Variants in GABBR2 observed in about 807,000 individuals in gnomAD.
GABBR2 encodes the protein G-protein coupled receptor 51.
Under a neutral mutation model 105.6 loss-of-function variants are expected in GABBR2, and 23 were observed. That is an observed-to-expected ratio of 0.22 (90% CI 0.16 to 0.31). GABBR2 has a LOEUF of 0.31. Ranked by LOEUF, GABBR2 falls within the 10% of genes least tolerant of loss-of-function variation. The probability of loss-of-function intolerance (pLI) is 1.00; values close to 1 mark genes in which losing one functional copy is unlikely to be tolerated. For synonymous variants in GABBR2, 478 were observed against 499.7 expected, an observed-to-expected ratio of 0.96 and a Z score of 0.58; for missense variants, 734 against 1,245.5, an observed-to-expected ratio of 0.59 and a Z score of 6.18.
At chr9:98,582,797 T>TCA (rs1196029242) in intron 1 of GABBR2, among the ~76,000 whole-genome samples, 2 of 152,174 alleles carry the variant, frequency 1.3e-5, no homozygotes, top group Non-Finnish European at 2.9e-5. Flanking sequence ...GAAAAAATTT[T>TCA]CACACTATGT....
chr9:98,595,654 C>T (rs181857768), intron 1 of GABBR2, among the ~76,000 whole-genome samples: 1 of 88,424 alleles, frequency 1.1e-5, no homozygotes, highest in African/African-American at 5.0e-5. Context: ...CCAAATGATA[C>T]TTTACAAAAA....
At chr9:98,696,116 A>G (rs1428798334) in intron 1 of GABBR2, among the ~76,000 whole-genome samples, 8 of 152,254 alleles carry the variant, frequency 5.3e-5, no homozygotes, top group Non-Finnish European at 1.2e-4. Context: ...GTAGAAAGGA[A>G]AGTTCATGGT....
intron 3 of GABBR2, among the ~76,000 whole-genome samples, chr9:98,504,034 G>A (rs2131683012): frequency 6.6e-6 from 1 of 152,164 alleles, no homozygotes; most frequent in East Asian, 1.9e-4. Flanking sequence ...AAACCCCCGA[G>A]CCCCCTGTCC....
chr9:98,549,002 C>A (rs1368696516), intron 2 of GABBR2, among the ~76,000 whole-genome samples: 1 of 121,662 alleles, frequency 8.2e-6, no homozygotes, highest in African/African-American at 2.6e-5. Flanking sequence ...GTGGTGCAAT[C>A]TCAGGTCACT....
intron 13 of GABBR2, among the ~76,000 whole-genome samples, chr9:98,347,674 T>A (rs1258552663): frequency 6.6e-6 from 1 of 152,214 alleles, no homozygotes; most frequent in Non-Finnish European, 1.5e-5. Context: ...GCATTTCCCC[T>A]ATATTTTATT....
At chr9:98,293,985 G>A in intron 17 of GABBR2, 83 bp from the exon 18 acceptor site, 3 of 832,656 alleles carry the variant, frequency 3.6e-6, no homozygotes, top group Non-Finnish European at 6.3e-6. Context: ...GTAGGATGAT[G>A]CCCCAAGAGA....
At chr9:98,378,297 C>G (rs1395581738) in intron 11 of GABBR2, among the ~76,000 whole-genome samples, 1 of 152,156 alleles carries the variant, frequency 6.6e-6, no homozygotes, top group Non-Finnish European at 1.5e-5. Flanking sequence ...CCCTGCCTAG[C>G]TGCCATCCAT....
At chr9:98,527,852 C>A (rs1390747973) in intron 3 of GABBR2, among the ~76,000 whole-genome samples, 2 of 152,134 alleles carry the variant, frequency 1.3e-5, no homozygotes, top group Non-Finnish European at 1.5e-5. Context: ...GAAAGGAGAG[C>A]TGCACATTAA....
chr9:98,558,392 T>C (rs1828619459), intron 2 of GABBR2, among the ~76,000 whole-genome samples: 1 of 152,198 alleles, frequency 6.6e-6, no homozygotes, highest in African/African-American at 2.4e-5. Flanking sequence ...AGAATGAGCA[T>C]TTAGTGATCT....
At chr9:98,396,605 T>TG (rs1189490300) in intron 8 of GABBR2, among the ~76,000 whole-genome samples, 1 of 152,210 alleles carries the variant, frequency 6.6e-6, no homozygotes, top group Non-Finnish European at 1.5e-5. Context: ...CAGAATCTGC[T>TG]GGGGGGCTCC....
At chr9:98,437,393 C>T (rs1051158282) in intron 7 of GABBR2, among the ~76,000 whole-genome samples, 15 of 151,886 alleles carry the variant, frequency 9.9e-5, no homozygotes, top group Non-Finnish European at 1.8e-4. Flanking sequence ...AATACAACCA[C>T]CGTCTATCCA....
chr9:98,692,288 G>A (rs753580972), intron 1 of GABBR2, among the ~76,000 whole-genome samples: 16 of 152,264 alleles, frequency 1.1e-4, no homozygotes, highest in Non-Finnish European at 2.4e-4. Flanking sequence ...GGAACTCAGT[G>A]TCCAGCATGA....
rs548567023 is a variant in GABBR2, at chr9:98,637,698, C to G, written c.322-59626G>C. 6.6e-5 allele frequency among the ~76,000 whole-genome samples: 10 copies of G among 152,244 alleles called. No homozygotes were observed. The East Asian group carries it at 1.2e-3, about 18-fold the overall frequency. The stretch of plus-strand genomic sequence containing the variant: ...ACCATGAGCCAAGAAATGTAGGCAG[C>G]TTCTAGAAGCTGGAAAAGGCAAGAA... On this transcript the variant is annotated intron_variant, in intron 1 of 18. Coordinates refer to ENST00000259455, the MANE Select transcript of GABBR2 (RefSeq NM_005458.8).
At chr9:98,535,724 A>AAATGCGTATT (rs1828164251) in intron 3 of GABBR2, among the ~76,000 whole-genome samples, 3 of 152,206 alleles carry the variant, frequency 2.0e-5, no homozygotes, top group African/African-American at 7.2e-5. Flanking sequence ...TCAAGCAATG[A>AAATGCGTATT]AAAGACATGG....
chr9:98,507,709 A>G (rs993933867), intron 3 of GABBR2, among the ~76,000 whole-genome samples: 1 of 152,182 alleles, frequency 6.6e-6, no homozygotes, highest in Non-Finnish European at 1.5e-5. Flanking sequence ...CCAGGCTAGC[A>G]GTGACTTATC....
At chr9:98,530,375 C>G (rs1828041833) in intron 3 of GABBR2, among the ~76,000 whole-genome samples, 1 of 152,196 alleles carries the variant, frequency 6.6e-6, no homozygotes, top group African/African-American at 2.4e-5. Context: ...TCCTGGCTTC[C>G]TCTTCTTCAC....
At chr9:98,611,461 T>G (rs895791268) in intron 1 of GABBR2, among the ~76,000 whole-genome samples, 2 of 46,936 alleles carry the variant, frequency 4.3e-5, no homozygotes, top group Non-Finnish European at 1.2e-4. Flanking sequence ...ACCCGAGGAA[T>G]GAATGAATGA....
chr9:98,631,387 A>C (rs1380791483), intron 1 of GABBR2, among the ~76,000 whole-genome samples: 1 of 152,210 alleles, frequency 6.6e-6, no homozygotes, highest in Non-Finnish European at 1.5e-5. Context: ...TGCTATGATC[A>C]CATTAGCTAA....
At position 98,388,853 on chromosome 9, in the gene GABBR2, C is replaced by G; in HGVS notation, c.1529+1G>C. 1 of 1,612,392 alleles carries G rather than the reference C, an allele frequency of 6.2e-7. No homozygotes were observed. Among genetic ancestry groups the G allele is most frequent in the Non-Finnish European group, 8.5e-7 (1 of 1,178,984 alleles). The stretch of plus-strand genomic sequence containing the variant: ...CACAGAGGAGGACCAGGGTGGCTTA[C>G]TTCTGATTCCGGTTCTTGATGTTGA... On this transcript the variant is annotated splice_donor_variant, in intron 10 of 18. Transcript: ENST00000259455. LOFTEE classifies it high-confidence loss of function. The surrounding 1 kb of genome is among the most constrained non-coding windows in gnomAD (Gnocchi z 4.4).
Sources: allele counts gnomAD v4.1 joint callset (sites outside exome capture counted in the v4.1 genomes callset), GRCh38; gene constraint gnomAD v4.1.1; non-coding constraint Gnocchi (gnomAD v3.1); transcripts MANE v1.5; gene names NCBI Gene and HGNC (gene_info 2026-07-23, HGNC 2026-07-21).